Variants in MUL1 observed in about 807,000 individuals in gnomAD.
MUL1 encodes the protein mitochondrial E3 ubiquitin protein ligase 1.
A neutral mutation model predicts 34.1 loss-of-function variants in MUL1; 30 were observed. That is an observed-to-expected ratio of 0.88 (90% CI 0.66 to 1.19). The LOEUF (loss-of-function observed/expected upper bound fraction) is 1.19. Ranked by LOEUF, MUL1 falls within the 50% of genes most tolerant of loss-of-function variation. The probability of loss-of-function intolerance (pLI) is 0.00; values close to 1 mark genes in which losing one functional copy is unlikely to be tolerated. For synonymous variants in MUL1, 191 were observed against 187.8 expected (o/e 1.02, Z -0.14); for missense variants, 419 against 450.5 (o/e 0.93, Z 0.63).
rs779749553 is a variant in MUL1, at chr1:20,502,085, G to C, written c.313C>G (p.Arg105Gly). The C allele has an allele frequency of 3.1e-6, 5 of 1,613,822 alleles. No individual in the cohort carries two copies. The East Asian group carries it at 6.7e-5, about 22-fold the overall frequency. The change falls in exon 3 of 4, where the codon CGA (arginine) becomes GGA (glycine). Residue 105 changes from arginine (R) to glycine (G), a missense_variant. Transcript: ENST00000264198. ...TLQEHKMVWNRTTHLWNDCSK... is the reference protein window; with the variant it reads ...TLQEHKMVWNGTTHLWNDCSK... Reference sequence around the variant, plus strand: ...GATACATACCAAAGGTGGGTGGTTCGATTCCACACCATCTTGTGCTCCTGA... The same window carrying C: ...GATACATACCAAAGGTGGGTGGTTCCATTCCACACCATCTTGTGCTCCTGA...
chr1:20,508,114 C>G lies in MUL1; in HGVS notation c.-90G>C. 1 of 1,499,952 alleles carries G rather than the reference C, an allele frequency of 6.7e-7. No homozygotes were observed. Among genetic ancestry groups the G allele is most frequent in the South Asian group, 1.3e-5 (1 of 78,982 alleles). The allele number at this position is 1,499,952 out of a possible 1,614,324, so 92.9% of individuals were successfully genotyped here. On this transcript the variant is annotated 5_prime_UTR_variant, in exon 1 of 4. Transcript: ENST00000264198. ...CACCTCCTTCCGACCAGGACCGCAC[C>G]CCCCCGGCCTAACCTGACCGGAAAC...
chr1:20,504,720 T>C (rs1225935389), intron 1 of MUL1, among the ~76,000 whole-genome samples: 1 of 152,224 alleles, frequency 6.6e-6, no homozygotes, highest in African/African-American at 2.4e-5. Context: ...ATCCCCCTAG[T>C]GCGGAGAACT....
At position 20,501,551 on chromosome 1, in the gene MUL1, C is replaced by A; in HGVS notation, c.330-132G>T. 9.8e-7 allele frequency: 1 copy of A among 1,018,528 alleles called. No individual in the cohort carries two copies. 63.1% of individuals were successfully genotyped at this position (1,018,528 alleles called of 1,614,324 possible). On this transcript the variant is annotated intron_variant, in intron 3 of 3. Transcript: ENST00000264198. This position sits in a 1 kb window ranked among gnomAD's most constrained non-coding sequence, Gnocchi z 4.2. Reference sequence around the variant, plus strand: ...GAAGAAGACAGTAAGATCACTATCTCCAGTTGCCTCCTAACAAGGAGGCTC... The same window carrying A: ...GAAGAAGACAGTAAGATCACTATCTACAGTTGCCTCCTAACAAGGAGGCTC...
Position 20,500,915 on chromosome 1 carries a change from C to A in MUL1, c.834G>T (p.Glu278Asp). ...GCAGCTGGGCCTCATGCTCCTGGAACTCCTCCTGCATCTGCTTGAGGCGCA... is the reference window on the plus strand; with the variant it reads ...GCAGCTGGGCCTCATGCTCCTGGAAATCCTCCTGCATCTGCTTGAGGCGCA... ...ERLRLKQMQE[E>D]FQEHEAQLLS... The change falls in exon 4 of 4, where the codon GAG (glutamate) becomes GAT (aspartate). Residue 278 changes from glutamate to aspartate, a missense_variant. By Grantham distance (45) the Glu-to-Asp change is conservative. Coordinates refer to ENST00000264198, the MANE Select transcript of MUL1 (RefSeq NM_024544.3). 1 of 1,614,138 alleles carries A rather than the reference C, an allele frequency of 6.2e-7. No homozygotes were observed. Among genetic ancestry groups the A allele is most frequent in the Non-Finnish European group, 8.5e-7 (1 of 1,180,034 alleles).
rs747243113 is a variant in MUL1, at chr1:20,503,244, G to C, written c.186C>G (p.Cys62Trp). The C allele has an allele frequency of 1.6e-5, 25 of 1,608,644 alleles. No homozygotes were observed. Among genetic ancestry groups the C allele is most frequent in the Non-Finnish European group, 2.1e-5 (25 of 1,177,378 alleles). Residue 62 changes from cysteine to tryptophan, a missense_variant, in exon 2 of 4, where the codon TGC becomes TGG. Coordinates refer to ENST00000264198, the MANE Select transcript of MUL1 (RefSeq NM_024544.3). ...KSILSEAPGKCVPYAVIEGAV... is the reference protein window; with the variant it reads ...KSILSEAPGKWVPYAVIEGAV... ...TACCTTCTATAACAGCATAAGGCACGCATTTTCCTGGAGCTTCTGAAAGAA... is the reference window on the plus strand; with the variant it reads ...TACCTTCTATAACAGCATAAGGCACCCATTTTCCTGGAGCTTCTGAAAGAA...
At position 20,501,715 on chromosome 1, in the gene MUL1, C is replaced by T. The variant is rs2051662482; in HGVS notation, c.330-296G>A. On this transcript the variant is annotated intron_variant, in intron 3 of 3. Coordinates refer to ENST00000264198, the MANE Select transcript of MUL1 (RefSeq NM_024544.3). This position sits in a 1 kb window ranked among gnomAD's most constrained non-coding sequence, Gnocchi z 4.2. ...AAAACTGATATTTCATATGATGGCA[C>T]AAAAGCATTTTAGGAAATACTGAAA... 6.6e-6 allele frequency among the ~76,000 whole-genome samples: 1 copy of T among 152,190 alleles called. No individual in the cohort carries two copies. The highest frequency in any genetic ancestry group is 2.4e-5 in the African/African-American group (1 of 41,438).
intron 1 of MUL1, among the ~76,000 whole-genome samples, chr1:20,507,456 T>C (rs572517646): frequency 6.6e-6 from 1 of 152,172 alleles, no homozygotes; most frequent in Non-Finnish European, 1.5e-5. Flanking sequence ...TTATTTAAGA[T>C]AGGAGATCCC....
At chr1:20,503,971 A>C (rs1247108904) in intron 1 of MUL1, among the ~76,000 whole-genome samples, 2 of 151,794 alleles carry the variant, frequency 1.3e-5, no homozygotes, top group African/African-American at 2.4e-5. Flanking sequence ...TCCCAGGCTC[A>C]AGTGATCCTC....
chr1:20,502,301 C>A (rs1228848282), intron 2 of MUL1, 112 bp from the exon 3 acceptor site: 1 of 1,437,018 alleles, frequency 7.0e-7, no homozygotes, highest in Admixed American at 1.9e-5. Flanking sequence ...ATAATCCCAA[C>A]ACTTTGGGAA....
Position 20,505,103 on chromosome 1 carries a change from A to G in MUL1, c.121-1794T>C, listed in dbSNP as rs112342293. 2.4e-3 allele frequency among the ~76,000 whole-genome samples: 361 copies of G among 152,338 alleles called. 2 individuals are homozygous for G. The highest frequency in any genetic ancestry group is 8.1e-3 in the African/African-American group (335 of 41,580). On this transcript the variant is annotated intron_variant, in intron 1 of 3. Transcript: ENST00000264198. Reference sequence around the variant, plus strand: ...TATCTGAGTCTCAGGTTCCAAAACCATAAAGGACAGGGAAAATGCAATTTC... The same window carrying G: ...TATCTGAGTCTCAGGTTCCAAAACCGTAAAGGACAGGGAAAATGCAATTTC...
chr1:20,508,111 C>T lies in MUL1; in HGVS notation c.-87G>A, dbSNP rs1238080456. On this transcript the variant is annotated 5_prime_UTR_variant, in exon 1 of 4. Coordinates refer to ENST00000264198, the MANE Select transcript of MUL1 (RefSeq NM_024544.3). ...CTCCACCTCCTTCCGACCAGGACCG[C>T]ACCCCCCCGGCCTAACCTGACCGGA... The T allele has an allele frequency of 6.6e-7, 1 of 1,510,362 alleles. No homozygotes were observed. Among genetic ancestry groups the T allele is most frequent in the Non-Finnish European group, 8.9e-7 (1 of 1,127,254 alleles). The allele number at this position is 1,510,362 out of a possible 1,614,324, so 93.6% of individuals were successfully genotyped here. A position where few individuals can be genotyped will look rare whatever the true frequency, so the allele number is the denominator to read the frequency against.
At chr1:20,507,251 T>C (rs980772600) in intron 1 of MUL1, among the ~76,000 whole-genome samples, 1 of 152,176 alleles carries the variant, frequency 6.6e-6, no homozygotes, top group Non-Finnish European at 1.5e-5. Flanking sequence ...GCAAATGTGT[T>C]GTGTAAACCG....
chr1:20,504,068 C>T (rs2051690039), intron 1 of MUL1, among the ~76,000 whole-genome samples: 1 of 152,070 alleles, frequency 6.6e-6, no homozygotes, highest in Non-Finnish European at 1.5e-5. Flanking sequence ...CAGGGTCTCC[C>T]AATGTTGCCC....
intron 1 of MUL1, among the ~76,000 whole-genome samples, chr1:20,504,393 GTGTCAGAGAT>G (rs1380535543): frequency 6.6e-6 from 1 of 152,198 alleles, no homozygotes; most frequent in African/African-American, 2.4e-5. Flanking sequence ...ACTGTGCTGG[GTGTCAGAGAT>G]TCAGGACGAA....
In MUL1 at chr1:20,503,296, A is replaced by G; in HGVS notation, c.134T>C (p.Val45Ala). The stretch of plus-strand genomic sequence containing the variant: ...ACTCTTTAAATCTTCACCCAAATGA[A>G]CTTTTTTAGCTCCCTAAATAAAAAA... ...VSQELKGAKKVHLGEDLKSIL... is the reference protein window; with the variant it reads ...VSQELKGAKKAHLGEDLKSIL... Residue 45 changes from valine to alanine, a missense_variant, in exon 2 of 4, where the codon GTT becomes GCT. By Grantham distance (64) the Val-to-Ala change is moderately conservative (BLOSUM62 0). Transcript: ENST00000264198. 6.2e-7 allele frequency: 1 copy of G among 1,601,174 alleles called. No homozygotes were observed. Among genetic ancestry groups the G allele is most frequent in the East Asian group, 2.2e-5 (1 of 44,502 alleles).
Position 20,500,553 on chromosome 1 carries a change from T to G in MUL1, c.*137A>C. On this transcript the variant is annotated 3_prime_UTR_variant, in exon 4 of 4. Coordinates refer to ENST00000264198, the MANE Select transcript of MUL1 (RefSeq NM_024544.3). ...CATTGGAGGCATGGGTCTGGAGAGT[T>G]TCTACCCAATTCCTCCCTCAATCAT... 1 of 1,196,800 alleles carries G rather than the reference T, an allele frequency of 8.4e-7. No homozygotes were observed. The highest frequency in any genetic ancestry group is 1.2e-6 in the Non-Finnish European group (1 of 863,902). 74.1% of individuals were successfully genotyped at this position (1,196,800 alleles called of 1,614,324 possible).
chr1:20,503,211 A>C lies in MUL1; in HGVS notation c.208+11T>G, dbSNP rs1242978540. The C allele has an allele frequency of 6.4e-7, 1 of 1,562,318 alleles. No homozygotes were observed. The highest frequency in any genetic ancestry group is 2.3e-5 in the East Asian group (1 of 44,360). The stretch of plus-strand genomic sequence containing the variant: ...AGACGTTGTTTTCCATTGACCAATA[A>C]GCAAACATACCTTCTATAACAGCAT... On this transcript the variant is annotated intron_variant, in intron 2 of 3. Transcript: ENST00000264198.
At chr1:20,503,790 T>C (rs1393944270) in intron 1 of MUL1, among the ~76,000 whole-genome samples, 1 of 152,074 alleles carries the variant, frequency 6.6e-6, no homozygotes. Flanking sequence ...TGCTCTGCAT[T>C]GTATGTTATT....
intron 1 of MUL1, among the ~76,000 whole-genome samples, chr1:20,504,207 T>C (rs577719719): frequency 6.6e-6 from 1 of 152,316 alleles, no homozygotes; most frequent in East Asian, 1.9e-4. Flanking sequence ...CATAATTAAG[T>C]GAGCACGGTT....
Sources: gnomAD v4.1 joint callset for allele counts (sites outside exome capture counted in the v4.1 genomes callset) on GRCh38, gnomAD v4.1.1 for gene constraint, Gnocchi (gnomAD v3.1) non-coding constraint, MANE v1.5 for transcripts, NCBI Gene and HGNC (gene_info 2026-07-23, HGNC 2026-07-21) for gene names.